The following PRKAG2 variants were observed in gnomAD, a reference collection of about 807,000 sequenced individuals.
PRKAG2 encodes protein kinase AMP-activated non-catalytic subunit gamma 2.
In PRKAG2, 26 loss-of-function variants were observed where a neutral mutation model predicts 69.6. That is an observed-to-expected ratio of 0.37 (90% confidence interval 0.27 to 0.52). PRKAG2 has a LOEUF of 0.52. Among genes scored for constraint, PRKAG2 ranks in the 20% least tolerant of loss-of-function variants. The pLI, the probability that PRKAG2 is intolerant of heterozygous loss-of-function variation, is 0.90. For synonymous variants in PRKAG2, 293 were observed against 285.0 expected (o/e 1.03, Z -0.28); for missense variants, 557 against 740.0 (o/e 0.75, Z 2.87).
intron 3 of PRKAG2, among the ~76,000 whole-genome samples, chr7:151,702,712 GATA>G (rs1837924409): frequency 6.6e-6 from 1 of 152,192 alleles, no homozygotes; most frequent in African/African-American, 2.4e-5. Flanking sequence ...CCTGTTATTG[GATA>G]ATAAGACTCT....
chr7:151,633,665 A>C (rs1468428084), intron 4 of PRKAG2, among the ~76,000 whole-genome samples: 1 of 152,132 alleles, frequency 6.6e-6, no homozygotes, highest in Non-Finnish European at 1.5e-5. Flanking sequence ...AATCACTTCA[A>C]AGAAAATTAA....
At chr7:151,611,311 T>C (rs556109141) in intron 5 of PRKAG2, among the ~76,000 whole-genome samples, 15 of 152,258 alleles carry the variant, frequency 9.9e-5, no homozygotes, top group African/African-American at 3.4e-4. Context: ...TGCGAAGATT[T>C]TGTCCACAGA....
chr7:151,862,687 G>A (rs560240493), intron 1 of PRKAG2, among the ~76,000 whole-genome samples: 7 of 152,368 alleles, frequency 4.6e-5, no homozygotes, highest in Non-Finnish European at 5.9e-5. Flanking sequence ...AAGAAAAATC[G>A]TGAGATTTTA....
Position 151,780,137 on chromosome 7 carries a change from G to A in PRKAG2, c.466+1015C>T, listed in dbSNP as rs1563656266. 1.3e-5 allele frequency among the ~76,000 whole-genome samples: 2 copies of A among 152,116 alleles called. No individual in the cohort carries two copies. Among genetic ancestry groups the A allele is most frequent in the African/African-American group, 2.4e-5 (1 of 41,420 alleles). ...GATCTGCTCCACTCACACAGAATAC[G>A]GCCACCATCCCCTCCACCTCCAAGG... On this transcript the variant is annotated intron_variant, in intron 3 of 15. Coordinates refer to ENST00000287878, the MANE Select transcript of PRKAG2 (RefSeq NM_016203.4). This position sits in a 1 kb window ranked among gnomAD's most constrained non-coding sequence, Gnocchi z 4.2.
At chr7:151,558,934 C>G (rs1804352940) in intron 15 of PRKAG2, 2 of 985,302 alleles carry the variant, frequency 2.0e-6, no homozygotes, top group South Asian at 4.7e-5. Context: ...CTTGTTTACT[C>G]TTTTTGTAAT....
chr7:151,739,241 G>C (rs904668986), intron 3 of PRKAG2, among the ~76,000 whole-genome samples: 59 of 152,324 alleles, frequency 3.9e-4, no homozygotes, highest in Middle Eastern at 3.4e-3. Context: ...ATGTGTAAGT[G>C]TGCTCTTCCT....
In PRKAG2 at chr7:151,577,001, G is replaced by C. The variant is rs532067434; in HGVS notation, c.865-549C>G. Among the ~76,000 whole-genome samples the C allele has an allele frequency of 1.3e-4, 19 of 149,666 alleles. 1 individual carries two copies. In the Middle Eastern group the frequency reaches 0.014, roughly 107 times the overall value. On this transcript the variant is annotated intron_variant, in intron 6 of 15. Coordinates refer to ENST00000287878, the MANE Select transcript of PRKAG2 (RefSeq NM_016203.4). ...ATTAACTTCTTTTTTTTTTCTTATT[G>C]TATCTGAAGACTCTTGTCTACATAC...
chr7:151,595,161 C>T (rs191839786), intron 6 of PRKAG2, among the ~76,000 whole-genome samples, 184 bp downstream of exon 6: 341 of 152,260 alleles, frequency 2.2e-3, no homozygotes, highest in Non-Finnish European at 4.0e-3. Flanking sequence ...AGGAAGAAGA[C>T]AGTAATAGCA....
intron 1 of PRKAG2, among the ~76,000 whole-genome samples, chr7:151,856,565 G>A (rs1414405833): frequency 6.6e-6 from 1 of 152,222 alleles, no homozygotes; most frequent in Admixed American, 6.5e-5. Context: ...CATTCTATCT[G>A]AGCCTCCGTT....
chr7:151,642,101 C>T (rs1455537742), intron 4 of PRKAG2, among the ~76,000 whole-genome samples: 8 of 149,662 alleles, frequency 5.3e-5, no homozygotes, highest in Admixed American at 2.7e-4. Flanking sequence ...TTTGGGAGGC[C>T]GAGGCGGGTG....
intron 3 of PRKAG2, among the ~76,000 whole-genome samples, chr7:151,759,672 G>C (rs2075303505): frequency 6.6e-6 from 1 of 152,184 alleles, no homozygotes; most frequent in South Asian, 2.1e-4. Flanking sequence ...CTTTCCCCCA[G>C]GCAGGACCAA....
intron 4 of PRKAG2, among the ~76,000 whole-genome samples, chr7:151,661,875 A>C (rs767702360): frequency 1.1e-4 from 17 of 152,194 alleles, no homozygotes; most frequent in Non-Finnish European, 2.1e-4. Flanking sequence ...GTTTTGTGTC[A>C]CAGTTGTACC....
In PRKAG2 at chr7:151,780,753, C is replaced by T. The variant is rs1317214041; in HGVS notation, c.466+399G>A. ...CACAGAGAGTGGAAGCCATATCAGG[C>T]TGACCAAAGCAGTATGGTCCCGTGG... On this transcript the variant is annotated intron_variant, in intron 3 of 15. Transcript: ENST00000287878. This position sits in a 1 kb window ranked among gnomAD's most constrained non-coding sequence, Gnocchi z 4.2. Among the ~76,000 whole-genome samples the T allele has an allele frequency of 1.3e-5, 2 of 152,164 alleles. No individual in the cohort carries two copies. Among genetic ancestry groups the T allele is most frequent in the African/African-American group, 4.8e-5 (2 of 41,428 alleles).
chr7:151,826,179 T>G (rs937701015), intron 1 of PRKAG2, among the ~76,000 whole-genome samples: 9 of 150,586 alleles, frequency 6.0e-5, no homozygotes, highest in Admixed American at 2.6e-4. Flanking sequence ...TTCCACTTTT[T>G]TTTTTGTTGT....
intron 1 of PRKAG2, among the ~76,000 whole-genome samples, chr7:151,832,214 AGGAGG>A (rs1312202903): frequency 9.5e-6 from 1 of 104,900 alleles, no homozygotes; most frequent in African/African-American, 3.7e-5. Context: ...AGGGAGGAAG[AGGAGG>A]GGAGGAGGGA....
chr7:151,833,145 G>C (rs1274319720), intron 1 of PRKAG2, among the ~76,000 whole-genome samples: 2 of 152,232 alleles, frequency 1.3e-5, no homozygotes, highest in Non-Finnish European at 2.9e-5. Context: ...AACTGTAAGA[G>C]AATCAGGTGT....
chr7:151,605,308 C>G (rs1280692913), intron 5 of PRKAG2, among the ~76,000 whole-genome samples: 2 of 151,986 alleles, frequency 1.3e-5, no homozygotes, highest in East Asian at 3.9e-4. Flanking sequence ...TGAGCCATCA[C>G]ACCCAGCCGT....
At chr7:151,810,951 A>C (rs2078386683) in intron 1 of PRKAG2, 1 of 153,732 alleles carries the variant, frequency 6.5e-6, no homozygotes, top group Non-Finnish European at 1.5e-5. Flanking sequence ...AGTGACCTTC[A>C]GAAGGTGGCA....
At chr7:151,851,861 T>G (rs2079575880) in intron 1 of PRKAG2, among the ~76,000 whole-genome samples, 2 of 152,084 alleles carry the variant, frequency 1.3e-5, no homozygotes, top group Non-Finnish European at 2.9e-5. Context: ...AAAACACTGC[T>G]CAGACTCAAC....
Sources: allele counts gnomAD v4.1 joint callset (sites outside exome capture counted in the v4.1 genomes callset), GRCh38; gene constraint gnomAD v4.1.1; non-coding constraint Gnocchi (gnomAD v3.1); transcripts MANE v1.5; gene names NCBI Gene and HGNC (gene_info 2026-07-23, HGNC 2026-07-21).